Variants in DDR2 observed in about 807,000 individuals in gnomAD.
DDR2 encodes the protein discoidin domain receptor tyrosine kinase 2.
DDR2 carries 27 observed loss-of-function variants against 94.9 expected under a neutral mutation model. The observed-to-expected ratio is 0.28, with a 90% CI of 0.21 to 0.39. The LOEUF (loss-of-function observed/expected upper bound fraction) is 0.39. DDR2 is among the 10% of genes least tolerant of loss of function. The probability of loss-of-function intolerance (pLI) is 1.00; values close to 1 mark genes in which losing one functional copy is unlikely to be tolerated. For missense variants in DDR2, 783 were observed against 1,076.0 expected (o/e 0.73, Z 3.81); for synonymous variants, 382 against 377.2 (o/e 1.01, Z -0.15).
intron 9 of DDR2, among the ~76,000 whole-genome samples, chr1:162,765,407 A>C (rs1409467065): frequency 6.6e-6 from 1 of 152,182 alleles, no homozygotes; most frequent in Non-Finnish European, 1.5e-5. Flanking sequence ...TTGATTAGAC[A>C]AATCAGAGGG....
intron 3 of DDR2, among the ~76,000 whole-genome samples, chr1:162,750,989 A>T (rs1324231888): frequency 1.3e-5 from 2 of 152,202 alleles, no homozygotes; most frequent in Admixed American, 1.3e-4. Flanking sequence ...TTATACAAAA[A>T]TTAATTCAAG....
At position 162,780,692 on chromosome 1, in the gene DDR2, T is replaced by G. The variant is rs1227669023; in HGVS notation, c.*446T>G. The G allele has an allele frequency of 5.9e-6, 1 of 170,040 alleles. No homozygotes were observed. Among genetic ancestry groups the G allele is most frequent in the African/African-American group, 2.4e-5 (1 of 41,606 alleles). The allele number at this position is 170,040 out of a possible 1,614,324, so 10.5% of individuals were successfully genotyped here. ...ATGAGATTAAGTTTAGGGAAAACAC[T>G]TGATAGATGTGGAGAATCTGAGGAC... On this transcript the variant is annotated 3_prime_UTR_variant, in exon 18 of 18. Transcript: ENST00000367921.
chr1:162,705,913 G>A (rs1413854893), intron 2 of DDR2, among the ~76,000 whole-genome samples: 2 of 152,182 alleles, frequency 1.3e-5, no homozygotes, highest in South Asian at 2.1e-4. Flanking sequence ...GCTCTCATAA[G>A]CCCTGAGACA....
chr1:162,767,702 C>G (rs1469194611), intron 11 of DDR2, among the ~76,000 whole-genome samples: 1 of 152,088 alleles, frequency 6.6e-6, no homozygotes, highest in Non-Finnish European at 1.5e-5. Context: ...ACAAGTGCTT[C>G]TGATGCACAT....
chr1:162,633,419 G>C (rs1237457872), intron 1 of DDR2, among the ~76,000 whole-genome samples: 1 of 152,178 alleles, frequency 6.6e-6, no homozygotes, highest in African/African-American at 2.4e-5. Context: ...AGGGGGTTCA[G>C]CACCATTTTG....
intron 9 of DDR2, 133 bp downstream of exon 9, chr1:162,761,587 G>T: frequency 7.0e-7 from 1 of 1,424,628 alleles, no homozygotes; most frequent in South Asian, 1.2e-5. Flanking sequence ...GACGGATACG[G>T]TGAATCCTTT....
At chr1:162,693,460 C>G (rs747551094) in intron 2 of DDR2, among the ~76,000 whole-genome samples, 6 of 152,084 alleles carry the variant, frequency 3.9e-5, no homozygotes, top group Non-Finnish European at 8.8e-5. Context: ...CAAACAAAGA[C>G]ATTTTGAGAG....
At chr1:162,762,162 G>A (rs1663778423) in intron 9 of DDR2, among the ~76,000 whole-genome samples, 1 of 151,998 alleles carries the variant, frequency 6.6e-6, no homozygotes, top group Non-Finnish European at 1.5e-5. Flanking sequence ...TATTCTATTT[G>A]CTCTGTGTCT....
Position 162,642,059 on chromosome 1 carries a change from T to A in DDR2, c.-192+9428T>A, listed in dbSNP as rs1657158613. ...TCTGCCTCCTGGGTTCAAGCCATTC[T>A]CCATCCTCCTGCCTCAGCCTCCGAA... On this transcript the variant is annotated intron_variant, in intron 1 of 17. Transcript: ENST00000367921. Among the ~76,000 whole-genome samples, 2 of 152,106 alleles carry A rather than the reference T, an allele frequency of 1.3e-5. 1 individual carries two copies. The highest frequency in any genetic ancestry group is 2.9e-5 in the Non-Finnish European group (2 of 68,022).
At chr1:162,777,331 TTCTCTA>T (rs1251125645) in intron 16 of DDR2, among the ~76,000 whole-genome samples, 1 of 152,144 alleles carries the variant, frequency 6.6e-6, no homozygotes, top group Non-Finnish European at 1.5e-5. Context: ...TGCCATACAA[TTCTCTA>T]TCTCTATTTT....
At chr1:162,656,613 A>G (rs1280180563) in intron 2 of DDR2, among the ~76,000 whole-genome samples, 1 of 147,464 alleles carries the variant, frequency 6.8e-6, no homozygotes, top group Non-Finnish European at 1.5e-5. Context: ...TTCCTTCCTT[A>G]TGATAGACTC....
chr1:162,763,156 A>C (rs1663825784), intron 9 of DDR2, among the ~76,000 whole-genome samples: 2 of 148,898 alleles, frequency 1.3e-5, no homozygotes, highest in Admixed American at 6.7e-5. Flanking sequence ...TTTAATACTC[A>C]AGTTGTGCTG....
intron 2 of DDR2, among the ~76,000 whole-genome samples, chr1:162,706,160 C>A (rs989838333): frequency 6.6e-6 from 1 of 152,154 alleles, no homozygotes; most frequent in Non-Finnish European, 1.5e-5. Flanking sequence ...GACATCTTTT[C>A]AACTCCTGGC....
intron 8 of DDR2, among the ~76,000 whole-genome samples, chr1:162,760,450 A>T (rs936907705): frequency 6.7e-6 from 1 of 148,236 alleles, no homozygotes; most frequent in Non-Finnish European, 1.5e-5. Context: ...ATATAACCAT[A>T]TATACATATA....
intron 3 of DDR2, among the ~76,000 whole-genome samples, chr1:162,741,209 C>CAATACAATACAATATAATATAATAT (rs368631311): frequency 8.6e-5 from 6 of 69,588 alleles, no homozygotes; most frequent in African/African-American, 2.2e-4. Flanking sequence ...CAATACAATA[C>CAATACAATACAATATAATATAATAT]AATATAATAT....
intron 2 of DDR2, among the ~76,000 whole-genome samples, chr1:162,713,062 G>T (rs1482603896): frequency 1.3e-5 from 2 of 152,178 alleles, no homozygotes; most frequent in Non-Finnish European, 2.9e-5. Flanking sequence ...GTCAAAAGGA[G>T]ATGATAATTT....
chr1:162,741,184 T>C (rs1203452675), intron 3 of DDR2, among the ~76,000 whole-genome samples: 1 of 125,912 alleles, frequency 7.9e-6, no homozygotes, highest in African/African-American at 3.0e-5. Context: ...TAATATAATA[T>C]AACATAACAT....
chr1:162,773,863 C>T (rs536168571), intron 14 of DDR2, among the ~76,000 whole-genome samples: 1 of 152,298 alleles, frequency 6.6e-6, no homozygotes, highest in Non-Finnish European at 1.5e-5. Flanking sequence ...TGTACTTGTT[C>T]CCAACATATA....
At chr1:162,674,730 A>G (rs147359487) in intron 2 of DDR2, among the ~76,000 whole-genome samples, 32 of 152,350 alleles carry the variant, frequency 2.1e-4, no homozygotes, top group African/African-American at 7.7e-4. Flanking sequence ...ATAAAGATCA[A>G]CTGGTGCAGA....
Sources: gnomAD v4.1 joint callset for allele counts (sites outside exome capture counted in the v4.1 genomes callset) on GRCh38, gnomAD v4.1.1 for gene constraint, MANE v1.5 for transcripts, NCBI Gene and HGNC (gene_info 2026-07-23, HGNC 2026-07-21) for gene names.